The following OTOG variants were observed in gnomAD, a reference collection of about 807,000 sequenced individuals.
The protein encoded by OTOG is otogelin.
A neutral mutation model predicts 313.8 loss-of-function variants in OTOG; 296 were observed. The ratio of observed to expected loss-of-function variants is 0.94; its 90% CI spans 0.86 to 1.04. OTOG has a LOEUF of 1.04. Ranked by LOEUF, OTOG falls within the 50% of genes least tolerant of loss-of-function variation. The probability of loss-of-function intolerance (pLI) is 0.00; values close to 1 mark genes in which losing one functional copy is unlikely to be tolerated. For synonymous variants in OTOG, 1,533 were observed against 1,554.9 expected, an observed-to-expected ratio of 0.99 and a Z score of 0.33; for missense variants, 3,948 against 3,840.1, an observed-to-expected ratio of 1.03 and a Z score of -0.74.
At position 17,602,312 on chromosome 11, in the gene OTOG, A is replaced by T. The variant is rs1853275386; in HGVS notation, c.3812A>T (p.Asp1271Val). 6.4e-7 allele frequency: 1 copy of T among 1,550,558 alleles called. No homozygotes were observed. The highest frequency in any genetic ancestry group is 2.4e-5 in the East Asian group (1 of 40,918). Residue 1271 changes from aspartate to valine, a missense_variant, in exon 32 of 56, where the codon GAT (aspartate) becomes GTT (valine). Coordinates refer to ENST00000399397, the MANE Select transcript of OTOG (RefSeq NM_001292063.2). ...GDDIVLVRTE[D>V]VAPADIVSFL... The stretch of plus-strand genomic sequence containing the variant: ...GACATAGTCCTAGTGAGGACAGAGG[A>T]TGTGGCGCCAGCAGACATTGTGAGC...
At chr11:17,636,069 G>C (rs1049892513) in intron 47 of OTOG, among the ~76,000 whole-genome samples, 1 of 152,228 alleles carries the variant, frequency 6.6e-6, no homozygotes, top group Non-Finnish European at 1.5e-5. Flanking sequence ...TTTCGCCACT[G>C]TGTCGCCATA....
In OTOG at chr11:17,578,433, A is replaced by G; in HGVS notation, c.2666A>G (p.Glu889Gly). Residue 889 changes from glutamate (E) to glycine (G), a missense_variant, in exon 23 of 56, where the codon GAG (glutamate) becomes GGG (glycine). Glu to Gly is a moderately conservative substitution (Grantham distance 98, BLOSUM62 -2). Transcript: ENST00000399397. ...VNCSDLHTDL[E>G]LSRERTCEQQ... ...TGCAGCGACCTGCACACGGACCTGG[A>G]GCTGAGCAGGGAGAGGACGTGTGAG... 1 of 1,541,578 alleles carries G rather than the reference A, an allele frequency of 6.5e-7. No homozygotes were observed. The highest frequency in any genetic ancestry group is 1.2e-5 in the South Asian group (1 of 84,030).
At chr11:17,602,405 C>G in intron 32 of OTOG, 28 bp downstream of exon 32, 3 of 1,541,182 alleles carry the variant, frequency 1.9e-6, no homozygotes, top group Non-Finnish European at 2.6e-6. Flanking sequence ...CCCACTCCAG[C>G]TCTTCTGGGA....
chr11:17,596,245 A>T, intron 29 of OTOG, 91 bp downstream of exon 29: 1 of 925,812 alleles, frequency 1.1e-6, no homozygotes, highest in African/African-American at 1.6e-5. Context: ...GTCTCAGAGG[A>T]GACAGCTCAG....
chr11:17,622,376 A>G (rs2134113201), intron 39 of OTOG, among the ~76,000 whole-genome samples: 1 of 152,350 alleles, frequency 6.6e-6, no homozygotes, highest in Middle Eastern at 3.4e-3. Flanking sequence ...GTTACGAACA[A>G]TCTAATTATA....
chr11:17,559,702 C>T, intron 12 of OTOG, 40 bp downstream of exon 12: 1 of 1,529,232 alleles, frequency 6.5e-7, no homozygotes, highest in Non-Finnish European at 8.8e-7. Flanking sequence ...CACCATCTTC[C>T]TGGCCTGGCA....
At chr11:17,624,572 G>A (rs549869938) in intron 39 of OTOG, among the ~76,000 whole-genome samples, 19 of 152,198 alleles carry the variant, frequency 1.2e-4, no homozygotes, top group Non-Finnish European at 2.5e-4. Context: ...AGTATAGTTT[G>A]AAGTTGAGTA....
intron 17 of OTOG, among the ~76,000 whole-genome samples, chr11:17,571,171 A>C (rs949638185): frequency 1.3e-5 from 2 of 152,210 alleles, no homozygotes; most frequent in African/African-American, 4.8e-5. Context: ...AGAGCTTTTC[A>C]ATGCATATAT....
chr11:17,615,151 A>G (rs1173771446), intron 39 of OTOG, among the ~76,000 whole-genome samples: 1 of 152,176 alleles, frequency 6.6e-6, no homozygotes, highest in Non-Finnish European at 1.5e-5. Context: ...TTTATTTTCC[A>G]TGGTATATGC....
At chr11:17,623,993 AGTTT>A (rs1853923609) in intron 39 of OTOG, among the ~76,000 whole-genome samples, 1 of 151,574 alleles carries the variant, frequency 6.6e-6, no homozygotes, top group Admixed American at 6.6e-5. Context: ...TTAATGGGGT[AGTTT>A]GTTTGTTGTT....
At position 17,596,855 on chromosome 11, in the gene OTOG, A is replaced by C; in HGVS notation, c.3530A>C (p.Asp1177Ala). 1 of 1,551,100 alleles carries C rather than the reference A, an allele frequency of 6.4e-7. No homozygotes were observed. The highest frequency in any genetic ancestry group is 8.7e-7 in the Non-Finnish European group (1 of 1,147,076). Residue 1177 changes from aspartate to alanine, a missense_variant, in exon 30 of 56, where the codon GAT (aspartate) becomes GCT (alanine). Transcript: ENST00000399397. ...EVFEICHPVV[D>A]VTWFYSNCLT... Reference sequence around the variant, plus strand: ...CTAACTTCTGACCTTCTCCAGGTTGATGTCACTTGGTTTTACTCAAACTGC... The same window carrying C: ...CTAACTTCTGACCTTCTCCAGGTTGCTGTCACTTGGTTTTACTCAAACTGC...
chr11:17,569,336 G>C (rs781539104), intron 16 of OTOG, 48 bp downstream of exon 16: 42 of 1,546,664 alleles, frequency 2.7e-5, no homozygotes, highest in Admixed American at 7.9e-5. Flanking sequence ...TGAGGGTTTG[G>C]ACCTCTCTTC....
intron 15 of OTOG, among the ~76,000 whole-genome samples, chr11:17,565,930 T>C (rs982104164): frequency 1.3e-5 from 2 of 152,200 alleles, no homozygotes; most frequent in Non-Finnish European, 2.9e-5. Flanking sequence ...GCTAGTATCA[T>C]TCATTTCTCC....
At position 17,611,437 on chromosome 11, in the gene OTOG, C is replaced by T. The variant is rs781306235; in HGVS notation, c.6123+14C>T. 45 of 1,500,236 alleles carry T rather than the reference C, an allele frequency of 3.0e-5. No homozygotes were observed. Among genetic ancestry groups the T allele is most frequent in the Non-Finnish European group, 3.8e-5 (43 of 1,118,154 alleles). The allele number at this position is 1,500,236 out of a possible 1,614,324, so 92.9% of individuals were successfully genotyped here. ...ACCACCTGTGTTGTGAGTGATTTGC[C>T]AGGGTTCTGGCCACCCGTATGTGAC... On this transcript the variant is annotated intron_variant, in intron 36 of 55. Coordinates refer to ENST00000399397, the MANE Select transcript of OTOG (RefSeq NM_001292063.2).
At chr11:17,582,240 C>T (rs575915858) in intron 23 of OTOG, among the ~76,000 whole-genome samples, 1 of 152,224 alleles carries the variant, frequency 6.6e-6, no homozygotes, top group Admixed American at 6.5e-5. Context: ...CACTGGCCGG[C>T]TTTTTGTCAC....
At chr11:17,561,838 A>T in intron 15 of OTOG, 31 bp downstream of exon 15, 1 of 1,548,734 alleles carries the variant, frequency 6.5e-7, no homozygotes, top group East Asian at 2.4e-5. Flanking sequence ...GGCCCGATCC[A>T]CCCAGCTACT....
intron 4 of OTOG, among the ~76,000 whole-genome samples, chr11:17,552,383 T>C (rs1851955407): frequency 6.6e-6 from 1 of 151,996 alleles, no homozygotes; most frequent in Admixed American, 6.5e-5. Flanking sequence ...TCCCACCTGG[T>C]TCTGTGGCTT....
At chr11:17,605,106 G>A (rs765538781) in intron 32 of OTOG, among the ~76,000 whole-genome samples, 6 of 152,214 alleles carry the variant, frequency 3.9e-5, no homozygotes, top group Non-Finnish European at 7.3e-5. Context: ...CACAGCCAGG[G>A]TGGTGAGCTG....
Position 17,579,660 on chromosome 11 carries a change from G to A in OTOG, c.2759+1134G>A, listed in dbSNP as rs140397169. Among the ~76,000 whole-genome samples the A allele has an allele frequency of 2.1e-3, 314 of 152,358 alleles. 4 individuals carry two copies. Among genetic ancestry groups the A allele is most frequent in the African/African-American group, 7.3e-3 (305 of 41,594 alleles). Reference sequence around the variant, plus strand: ...CACCTGCTGCCACTTGGGCCCCGGAGTGGCATTTGAAGAGTATCTTTGTCA... The same window carrying A: ...CACCTGCTGCCACTTGGGCCCCGGAATGGCATTTGAAGAGTATCTTTGTCA... On this transcript the variant is annotated intron_variant, in intron 23 of 55. Coordinates refer to ENST00000399397, the MANE Select transcript of OTOG (RefSeq NM_001292063.2).
Sources: allele counts gnomAD v4.1 joint callset (sites outside exome capture counted in the v4.1 genomes callset), GRCh38; gene constraint gnomAD v4.1.1; transcripts MANE v1.5; gene names NCBI Gene and HGNC (gene_info 2026-07-23, HGNC 2026-07-21).